Variants in AP4S1 observed in about 807,000 individuals in gnomAD.
AP4S1 encodes the protein adaptor related protein complex 4 subunit sigma 1.
AP4S1 carries 23 observed loss-of-function variants against 19.8 expected under a neutral mutation model. The observed-to-expected ratio is 1.16, with a 90% CI of 0.84 to 1.65. The LOEUF is 1.65. AP4S1 is among the 40% of genes most tolerant of loss of function. The pLI is 0.00. For missense variants in AP4S1, 166 were observed against 172.8 expected, an observed-to-expected ratio of 0.96 and a Z score of 0.22; for synonymous variants, 46 against 54.1, an observed-to-expected ratio of 0.85 and a Z score of 0.66.
chr14:31,026,315 G>C (rs1883929248), intron 1 of AP4S1: 2 of 1,022,054 alleles, frequency 2.0e-6, no homozygotes, highest in East Asian at 3.3e-5. Context: ...GGTCGTTGCT[G>C]TGTGCCTGCC....
intron 5 of AP4S1, among the ~76,000 whole-genome samples, chr14:31,087,646 C>G (rs1214395816): frequency 1.3e-5 from 2 of 152,196 alleles, no homozygotes; most frequent in Non-Finnish European, 2.9e-5. Context: ...TGAGCCACTG[C>G]ACCTGGCCTA....
intron 1 of AP4S1, among the ~76,000 whole-genome samples, chr14:31,054,163 C>A (rs1420961597): frequency 6.6e-6 from 1 of 152,172 alleles, no homozygotes; most frequent in Non-Finnish European, 1.5e-5. Flanking sequence ...GGTATAGATT[C>A]TACCCACTAG....
chr14:31,085,421 T>G, intron 5 of AP4S1: 5 of 987,046 alleles, frequency 5.1e-6, no homozygotes, highest in Non-Finnish European at 6.0e-6. Flanking sequence ...GGCACAAATA[T>G]AGGCTAGAAT....
intron 4 of AP4S1, 157 bp downstream of exon 4, chr14:31,073,130 G>A (rs994130115): frequency 8.1e-5 from 56 of 691,752 alleles, no homozygotes; most frequent in Non-Finnish European, 1.3e-4. Flanking sequence ...CTTTCCTTCT[G>A]GTTTATCCAA....
intron 4 of AP4S1, among the ~76,000 whole-genome samples, chr14:31,077,745 T>C (rs1887439332): frequency 6.7e-6 from 1 of 150,360 alleles, no homozygotes; most frequent in African/African-American, 2.4e-5. Context: ...TTTTCTTTTT[T>C]TTTTTTTTTG....
chr14:31,082,957 C>T (rs2139108173), intron 5 of AP4S1, among the ~76,000 whole-genome samples: 1 of 151,858 alleles, frequency 6.6e-6, no homozygotes, highest in South Asian at 2.1e-4. Flanking sequence ...GTTGATGTTG[C>T]CATGACTTTA....
intron 1 of AP4S1, among the ~76,000 whole-genome samples, chr14:31,031,995 C>T (rs905580396): frequency 2.0e-5 from 3 of 147,148 alleles, no homozygotes; most frequent in Non-Finnish European, 4.5e-5. Flanking sequence ...TATTTGAGCG[C>T]GGGAGGTTGA....
intron 1 of AP4S1, among the ~76,000 whole-genome samples, chr14:31,027,732 T>C (rs1354428927): frequency 6.6e-6 from 1 of 152,198 alleles, no homozygotes; most frequent in Non-Finnish European, 1.5e-5. Context: ...TTAAGTACAA[T>C]AGTGGGTACT....
chr14:31,037,993 A>G (rs779304978), intron 1 of AP4S1, among the ~76,000 whole-genome samples: 5 of 152,230 alleles, frequency 3.3e-5, no homozygotes, highest in Non-Finnish European at 7.3e-5. Flanking sequence ...AAGAGCTGTA[A>G]CATGTTGCTA....
chr14:31,048,483 C>T (rs1885548849), intron 1 of AP4S1, among the ~76,000 whole-genome samples: 2 of 152,060 alleles, frequency 1.3e-5, no homozygotes, highest in Non-Finnish European at 2.9e-5. Flanking sequence ...AATCCCAGCA[C>T]TTTGGGAGGC....
chr14:31,043,187 C>G (rs1379220698), intron 1 of AP4S1, among the ~76,000 whole-genome samples: 1 of 151,292 alleles, frequency 6.6e-6, no homozygotes, highest in East Asian at 1.9e-4. Flanking sequence ...TGCCACTGCA[C>G]TCTAGCCTGG....
intron 1 of AP4S1, among the ~76,000 whole-genome samples, chr14:31,046,574 G>A (rs1419577848): frequency 2.0e-5 from 3 of 152,102 alleles, no homozygotes; most frequent in Non-Finnish European, 2.9e-5. Context: ...GGCCGGGCAC[G>A]GTAGCTCACG....
At chr14:31,046,480 G>T (rs1426959187) in intron 1 of AP4S1, among the ~76,000 whole-genome samples, 1 of 152,054 alleles carries the variant, frequency 6.6e-6, no homozygotes, top group Non-Finnish European at 1.5e-5. Context: ...CTACTGTATG[G>T]ATATACCATG....
At position 31,086,604 on chromosome 14, in the gene AP4S1, C is replaced by T. The variant is rs145341943; in HGVS notation, c.306+6020C>T. On this transcript the variant is annotated intron_variant, in intron 5 of 5. Transcript: ENST00000542754. Reference sequence around the variant, plus strand: ...AGTTTTTTTGTATTTTTAGTAGAGACGGGGTTTTGCCATGTTGGCCAGGCT... The same window carrying T: ...AGTTTTTTTGTATTTTTAGTAGAGATGGGGTTTTGCCATGTTGGCCAGGCT... 5.9e-5 allele frequency among the ~76,000 whole-genome samples: 9 copies of T among 152,018 alleles called. No homozygotes were observed. In the South Asian group the frequency reaches 6.2e-4, roughly 10 times the overall value.
chr14:31,075,867 G>A (rs1040179717), intron 4 of AP4S1, among the ~76,000 whole-genome samples: 3 of 151,862 alleles, frequency 2.0e-5, no homozygotes, highest in Non-Finnish European at 2.9e-5. Context: ...AGCCTCTCGA[G>A]TAGCTGGGAT....
intron 1 of AP4S1, among the ~76,000 whole-genome samples, chr14:31,044,794 T>G (rs1885296968): frequency 6.6e-6 from 1 of 152,164 alleles, no homozygotes; most frequent in Admixed American, 6.6e-5. Context: ...TGTTGCCTAA[T>G]GCATTCCAAG....
At chr14:31,055,690 CA>C (rs1232550692) in intron 1 of AP4S1, among the ~76,000 whole-genome samples, 1 of 147,342 alleles carries the variant, frequency 6.8e-6, no homozygotes, top group African/African-American at 2.5e-5. Context: ...TTTCAGGAGG[CA>C]AAAAAGAAAT....
At chr14:31,052,028 T>C (rs1350782452) in intron 1 of AP4S1, among the ~76,000 whole-genome samples, 3 of 152,180 alleles carry the variant, frequency 2.0e-5, no homozygotes, top group Non-Finnish European at 4.4e-5. Flanking sequence ...GCCAGCACTT[T>C]GGGAGGCCAA....
intron 1 of AP4S1, among the ~76,000 whole-genome samples, chr14:31,059,129 A>G (rs1174294732): frequency 6.6e-6 from 1 of 152,186 alleles, no homozygotes; most frequent in Non-Finnish European, 1.5e-5. Context: ...TATAGTAAAA[A>G]TAGTTTACAG....
Sources: gnomAD v4.1 joint callset for allele counts (sites outside exome capture counted in the v4.1 genomes callset) on GRCh38, gnomAD v4.1.1 for gene constraint, MANE v1.5 for transcripts, NCBI Gene and HGNC (gene_info 2026-07-23, HGNC 2026-07-21) for gene names.